The following CYTH2 variants were observed in gnomAD, a reference collection of about 807,000 sequenced individuals.
CYTH2 encodes the protein cytohesin 2.
Under a neutral mutation model 55.4 loss-of-function variants are expected in CYTH2, and 24 were observed. That is an observed-to-expected ratio of 0.43 (90% CI 0.31 to 0.61). The LOEUF is 0.61. Ranked by LOEUF, CYTH2 falls within the 20% of genes least tolerant of loss-of-function variation. CYTH2 has a pLI of 0.08. For missense variants in CYTH2, 378 were observed against 533.5 expected, an observed-to-expected ratio of 0.71 and a Z score of 2.87; for synonymous variants, 221 against 209.6, an observed-to-expected ratio of 1.05 and a Z score of -0.47.
In CYTH2 at chr19:48,474,757, C is replaced by G; in HGVS notation, c.697-81C>G. On this transcript the variant is annotated intron_variant, in intron 7 of 11. Coordinates refer to ENST00000452733, the MANE Select transcript of CYTH2 (RefSeq NM_004228.7). This position sits in a 1 kb window ranked among gnomAD's most constrained non-coding sequence, Gnocchi z 4.9. ...TTCCCCACTATGAGTCATCCCATCCCTGGTCTCGCTGCCCCCCACCCTGAG... is the reference window on the plus strand; with the variant it reads ...TTCCCCACTATGAGTCATCCCATCCGTGGTCTCGCTGCCCCCCACCCTGAG... 2 of 1,214,298 alleles carry G rather than the reference C, an allele frequency of 1.6e-6. No individual in the cohort carries two copies. The highest frequency in any genetic ancestry group is 2.4e-6 in the Non-Finnish European group (2 of 823,496). 75.2% of individuals were successfully genotyped at this position (1,214,298 alleles called of 1,614,324 possible). A position where few individuals can be genotyped will look rare whatever the true frequency, so the allele number is the denominator to read the frequency against.
rs1194676128 is a variant in CYTH2, at chr19:48,469,372, G to A, written c.-136G>A. The stretch of plus-strand genomic sequence containing the variant: ...CGACGAAGGGAAGAGTCTTTTCAGC[G>A]CTGAGGACTGGCGCTGAGGAGGCGG... On this transcript the variant is annotated 5_prime_UTR_variant, in exon 1 of 12. Coordinates refer to ENST00000452733, the MANE Select transcript of CYTH2 (RefSeq NM_004228.7). 4 of 1,028,988 alleles carry A rather than the reference G, an allele frequency of 3.9e-6. No individual in the cohort carries two copies. 63.7% of individuals were successfully genotyped at this position (1,028,988 alleles called of 1,614,324 possible).
At position 48,479,278 on chromosome 19, in the gene CYTH2, T is replaced by C; in HGVS notation, c.*68T>C. ...CCTGGGTGGCCGGACCCCTGGGCCT[T>C]GGGGCTGTGGATCCTGGTTCCCTGT... On this transcript the variant is annotated 3_prime_UTR_variant, in exon 12 of 12. Coordinates refer to ENST00000452733, the MANE Select transcript of CYTH2 (RefSeq NM_004228.7). 6.5e-7 allele frequency: 1 copy of C among 1,546,418 alleles called. No individual in the cohort carries two copies. Among genetic ancestry groups the C allele is most frequent in the Non-Finnish European group, 8.9e-7 (1 of 1,122,130 alleles).
chr19:48,472,131 CAG>C (rs1446243425), intron 3 of CYTH2, among the ~76,000 whole-genome samples, 192 bp from the exon 4 acceptor site: 1 of 152,146 alleles, frequency 6.6e-6, no homozygotes, highest in African/African-American at 2.4e-5. Context: ...CAGGCAAAGG[CAG>C]AGAGGGTAGG....
chr19:48,479,254 C>G lies in CYTH2; in HGVS notation c.*44C>G. ...ATTATTTATTACGGAGCTGCCCCGC[C>G]TGGGTGGCCGGACCCCTGGGCCTTG... is the stretch of plus-strand genomic sequence containing the variant. On this transcript the variant is annotated 3_prime_UTR_variant, in exon 12 of 12. Coordinates refer to ENST00000452733, the MANE Select transcript of CYTH2 (RefSeq NM_004228.7). The G allele has an allele frequency of 6.2e-7, 1 of 1,607,078 alleles. No individual in the cohort carries two copies. The highest frequency in any genetic ancestry group is 8.5e-7 in the Non-Finnish European group (1 of 1,174,202).
At chr19:48,475,689 G>A (rs1971898253) in intron 8 of CYTH2, 1 of 182,508 alleles carries the variant, frequency 5.5e-6, no homozygotes, top group East Asian at 1.7e-4. Context: ...CATGAGATTT[G>A]CCTGGGCAAC....
chr19:48,478,048 C>T (rs778460377), intron 8 of CYTH2, 21 bp from the exon 9 acceptor site: 20 of 1,611,648 alleles, frequency 1.2e-5, no homozygotes, highest in Non-Finnish European at 1.7e-5. Flanking sequence ...CCCAGGCCCC[C>T]TCCCACCCCT....
chr19:48,478,017 A>T (rs1482067772), intron 8 of CYTH2, 52 bp from the exon 9 acceptor site: 1 of 1,475,680 alleles, frequency 6.8e-7, no homozygotes, highest in Admixed American at 1.7e-5. Context: ...CATCTCCCAG[A>T]GGCCCTGTCC....
At chr19:48,475,560 A>G (rs114310617) in intron 8 of CYTH2, 2,759 of 155,192 alleles carry the variant, frequency 0.018, 87 homozygotes, top group African/African-American at 0.063. Flanking sequence ...TGGAGGGGGG[A>G]GTCTTCGTCA....
Position 48,479,299 on chromosome 19 carries a change from C to T in CYTH2, c.*89C>T. 1 of 1,416,014 alleles carries T rather than the reference C, an allele frequency of 7.1e-7. No individual in the cohort carries two copies. Among genetic ancestry groups the T allele is most frequent in the Non-Finnish European group, 9.9e-7 (1 of 1,012,168 alleles). 87.7% of individuals were successfully genotyped at this position (1,416,014 alleles called of 1,614,324 possible). On this transcript the variant is annotated 3_prime_UTR_variant, in exon 12 of 12. Coordinates refer to ENST00000452733, the MANE Select transcript of CYTH2 (RefSeq NM_004228.7). ...GCCTTGGGGCTGTGGATCCTGGTTCCCTGTTTGGAAAATTCACCACCTCTA... is the reference window on the plus strand; with the variant it reads ...GCCTTGGGGCTGTGGATCCTGGTTCTCTGTTTGGAAAATTCACCACCTCTA...
intron 1 of CYTH2, 115 bp from the exon 2 acceptor site, chr19:48,470,238 G>T: frequency 7.0e-7 from 1 of 1,425,118 alleles, no homozygotes; most frequent in Non-Finnish European, 9.5e-7. Flanking sequence ...ATTCTTCTGT[G>T]CAGACATAGG....
chr19:48,472,485 C>T (rs1231599458), intron 4 of CYTH2, 42 bp downstream of exon 4: 18 of 1,486,046 alleles, frequency 1.2e-5, no homozygotes, highest in Non-Finnish European at 1.5e-5. Flanking sequence ...CTCCCTCCCA[C>T]CCCCCAGACC....
chr19:48,476,279 A>G (rs982086242), intron 8 of CYTH2: 6 of 196,656 alleles, frequency 3.1e-5, no homozygotes, highest in African/African-American at 1.4e-4. Flanking sequence ...ATCTCTACAA[A>G]AAATAAAAAA....
intron 8 of CYTH2, chr19:48,477,633 C>T (rs1484334655): frequency 1.1e-5 from 2 of 182,382 alleles, no homozygotes; most frequent in East Asian, 2.9e-4. Context: ...GTTTCTGTCG[C>T]CTGCGGCTCT....
Position 48,474,284 on chromosome 19 carries a change from A to T in CYTH2, c.650A>T (p.Asn217Ile). 1.2e-6 allele frequency: 2 copies of T among 1,613,326 alleles called. No individual in the cohort carries two copies. Among genetic ancestry groups the T allele is most frequent in the Non-Finnish European group, 1.7e-6 (2 of 1,179,612 alleles). ...KPGLERFVAM[N>I]RGINEGGDLP... ...GGCCTGGAGCGCTTTGTGGCCATGA[A>T]CCGGGGCATCAACGAGGGCGGGGAC... The change falls in exon 7 of 12, where the codon AAC becomes ATC. Residue 217 changes from asparagine (N) to isoleucine (I), a missense_variant. Physicochemically the swap from Asn to Ile is moderately radical, Grantham distance 149. Coordinates refer to ENST00000452733, the MANE Select transcript of CYTH2 (RefSeq NM_004228.7). This position sits in a 1 kb window ranked among gnomAD's most constrained non-coding sequence, Gnocchi z 4.9.
rs1373393932 is a variant in CYTH2, at chr19:48,474,998, G to A, written c.808+49G>A. 1 of 1,560,688 alleles carries A rather than the reference G, an allele frequency of 6.4e-7. No homozygotes were observed. Among genetic ancestry groups the A allele is most frequent in the Non-Finnish European group, 8.8e-7 (1 of 1,138,596 alleles). ...GGTCCCTCCGCAGGAGGACATTTGT[G>A]GGCCTGGGCCCTGGACTCAGCTTCC... On this transcript the variant is annotated intron_variant, in intron 8 of 11. Coordinates refer to ENST00000452733, the MANE Select transcript of CYTH2 (RefSeq NM_004228.7). The surrounding 1 kb of genome is among the most constrained non-coding windows in gnomAD (Gnocchi z 4.9).
rs377505526 is a variant in CYTH2, at chr19:48,474,768, GC to G, written c.697-64del. 4 of 1,373,138 alleles carry G rather than the reference GC, an allele frequency of 2.9e-6. No individual in the cohort carries two copies. Among genetic ancestry groups the G allele is most frequent in the African/African-American group, 1.4e-5 (1 of 69,592 alleles). The allele number at this position is 1,373,138 out of a possible 1,614,324, so 85.1% of individuals were successfully genotyped here. On this transcript the variant is annotated intron_variant, in intron 7 of 11. Coordinates refer to ENST00000452733, the MANE Select transcript of CYTH2 (RefSeq NM_004228.7). This position sits in a 1 kb window ranked among gnomAD's most constrained non-coding sequence, Gnocchi z 4.9. ...GAGTCATCCCATCCCTGGTCTCGCT[GC>G]CCCCCACCCTGAGTAACCCTGGGGG...
chr19:48,472,471 G>GCCCCCCCCCCCCCCCCCC, intron 4 of CYTH2, 28 bp downstream of exon 4: 2 of 1,584,676 alleles, frequency 1.3e-6, no homozygotes, highest in Non-Finnish European at 8.6e-7. Flanking sequence ...CTCCTGTGGG[G>GCCCCCCCCCCCCCCCCCC]CCCCTCCCTC....
At chr19:48,473,194 G>A (rs1000781827) in intron 4 of CYTH2, 104 bp from the exon 5 acceptor site, 8 of 1,256,812 alleles carry the variant, frequency 6.4e-6, no homozygotes, top group Non-Finnish European at 9.2e-6. Context: ...GCAGTGGGCA[G>A]CTGTGGTGCA....
chr19:48,477,101 A>T (rs1971930119), intron 8 of CYTH2: 1 of 152,248 alleles, frequency 6.6e-6, no homozygotes, highest in Non-Finnish European at 1.5e-5. Context: ...CTCCATGCCT[A>T]ATAAAAGCCA....
Sources: allele counts gnomAD v4.1 joint callset (sites outside exome capture counted in the v4.1 genomes callset), GRCh38; gene constraint gnomAD v4.1.1; non-coding constraint Gnocchi (gnomAD v3.1); transcripts MANE v1.5; gene names NCBI Gene and HGNC (gene_info 2026-07-23, HGNC 2026-07-21).